Variants in IGF1R observed in about 807,000 individuals in gnomAD.
The protein encoded by IGF1R is insulin like growth factor 1 receptor, also known as insulin-like growth factor 1 receptor.
A neutral mutation model predicts 144.6 loss-of-function variants in IGF1R; 44 were observed. The observed-to-expected ratio is 0.30, with a 90% CI of 0.24 to 0.39. The LOEUF (loss-of-function observed/expected upper bound fraction) is 0.39, where lower values mean the gene tolerates loss of function less well. Ranked by LOEUF, IGF1R falls within the 10% of genes least tolerant of loss-of-function variation. IGF1R has a pLI of 1.00. For synonymous variants in IGF1R, 795 were observed against 722.8 expected, an observed-to-expected ratio of 1.10 and a Z score of -1.60; for missense variants, 1,355 against 1,833.7, an observed-to-expected ratio of 0.74 and a Z score of 4.77.
At chr15:98,676,537 C>T (rs1193436431) in intron 1 of IGF1R, among the ~76,000 whole-genome samples, 1 of 151,966 alleles carries the variant, frequency 6.6e-6, no homozygotes, top group East Asian at 1.9e-4. Flanking sequence ...ATGTTAACAT[C>T]TGCTAGGAAG....
intron 1 of IGF1R, among the ~76,000 whole-genome samples, chr15:98,659,984 A>T (rs1477054932): frequency 1.3e-5 from 2 of 152,114 alleles, no homozygotes; most frequent in African/African-American, 4.8e-5. Context: ...AGCTAATTTT[A>T]TGTATTTTGT....
chr15:98,750,117 C>A (rs139261515), intron 2 of IGF1R, among the ~76,000 whole-genome samples: 2 of 152,202 alleles, frequency 1.3e-5, no homozygotes, highest in East Asian at 3.8e-4. Flanking sequence ...TCATTCTCAA[C>A]CTCTTACCTG....
rs951359373 is a variant in IGF1R at position 98,946,001 on chromosome 15, G to A, written c.3588-2573G>A. Among the ~76,000 whole-genome samples the A allele has an allele frequency of 4.6e-5, 7 of 152,020 alleles. No homozygotes were observed. The East Asian group carries it at 1.4e-3, about 30-fold the overall frequency. Reference sequence around the variant, plus strand: ...CTCTTGGGGGTGTGGAAGATGCGGGGATGATGATGATGACGATGATGACGA... The same window carrying A: ...CTCTTGGGGGTGTGGAAGATGCGGGAATGATGATGATGACGATGATGACGA... On this transcript the variant is annotated intron_variant, in intron 19 of 20. Coordinates refer to ENST00000650285, the MANE Select transcript of IGF1R (RefSeq NM_000875.5).
rs1458934557 is a variant in IGF1R at position 98,648,787 on chromosome 15, C to T, written c.-795C>T. 6.9e-6 allele frequency among the ~76,000 whole-genome samples: 1 copy of T among 144,214 alleles called. No homozygotes were observed. Among genetic ancestry groups the T allele is most frequent in the Non-Finnish European group, 1.5e-5 (1 of 65,252 alleles). The allele number at this position is 144,214 out of a possible 152,430, so 94.6% of individuals were successfully genotyped here. On this transcript the variant is annotated 5_prime_UTR_variant, in exon 1 of 21. Transcript: ENST00000650285. ...ACGCCCCTCCCGCGCGGGGGCAGCTCCACGGCGCGCCTCGCCTCGGCTGTG... is the reference window on the plus strand; with the variant it reads ...ACGCCCCTCCCGCGCGGGGGCAGCTTCACGGCGCGCCTCGCCTCGGCTGTG...
chr15:98,728,871 A>T lies in IGF1R; in HGVS notation c.640+20764A>T, dbSNP rs550308590. Among the ~76,000 whole-genome samples, 616 of 152,362 alleles carry T rather than the reference A, an allele frequency of 4.0e-3. 3 individuals carry two copies. Among genetic ancestry groups the T allele is most frequent in the Non-Finnish European group, 6.8e-3 (463 of 68,030 alleles). ...TAGTAGAATCAGACAGATCTGGCTT[A>T]AAATCTTGGCTGTGCTACCTCTTGG... On this transcript the variant is annotated intron_variant, in intron 2 of 20. Coordinates refer to ENST00000650285, the MANE Select transcript of IGF1R (RefSeq NM_000875.5).
intron 12 of IGF1R, 95 bp downstream of exon 12, chr15:98,924,107 G>A (rs1287061440): frequency 2.4e-6 from 3 of 1,229,278 alleles, no homozygotes; most frequent in Non-Finnish European, 3.6e-6. Context: ...GTTAGCATAG[G>A]ACTTAAAACA....
rs1014064899 is a variant in IGF1R, at chr15:98,700,040, G to A, written c.95-7522G>A. On this transcript the variant is annotated intron_variant, in intron 1 of 20. Transcript: ENST00000650285. ...TAAAGGGCTTAACATGAATTGTGTC[G>A]GTTTACACTTACACAGAAAATTCTA... is the stretch of plus-strand genomic sequence containing the variant. Among the ~76,000 whole-genome samples, 6 of 152,178 alleles carry A rather than the reference G, an allele frequency of 3.9e-5. No homozygotes were observed. The East Asian group carries it at 5.8e-4, about 15-fold the overall frequency.
At chr15:98,833,461 A>G (rs561241295) in intron 2 of IGF1R, among the ~76,000 whole-genome samples, 41 of 152,134 alleles carry the variant, frequency 2.7e-4, no homozygotes, top group Non-Finnish European at 4.7e-4. Context: ...GAAGTGAGCG[A>G]TTCTCTTTTG....
chr15:98,714,742 A>G (rs1326458697), intron 2 of IGF1R, among the ~76,000 whole-genome samples: 1 of 152,122 alleles, frequency 6.6e-6, no homozygotes, highest in Non-Finnish European at 1.5e-5. Flanking sequence ...CACCTGCTGG[A>G]TGGGGGGAAG....
chr15:98,919,211 CT>C (rs2015382279), intron 10 of IGF1R, among the ~76,000 whole-genome samples: 1 of 152,216 alleles, frequency 6.6e-6, no homozygotes, highest in Non-Finnish European at 1.5e-5. Context: ...TCTTTTCCCC[CT>C]CTTCTCCTCC....
chr15:98,763,266 A>G (rs142200727), intron 2 of IGF1R, among the ~76,000 whole-genome samples: 3 of 152,092 alleles, frequency 2.0e-5, no homozygotes, highest in Non-Finnish European at 4.4e-5. Flanking sequence ...CTAGTTAGGG[A>G]AATGTTTTGT....
In IGF1R at chr15:98,960,639, G is replaced by A. The variant is rs563331348; in HGVS notation, c.*3197G>A. ...GGCTCGCGCTGAGGCAGGACCGTGC[G>A]GCCATGGCTGCTGCATTCATTGAGC... On this transcript the variant is annotated 3_prime_UTR_variant, in exon 21 of 21. Transcript: ENST00000650285. The A allele has an allele frequency of 3.5e-4, 81 of 233,374 alleles. 1 individual carries two copies. Among genetic ancestry groups the A allele is most frequent in the South Asian group, 9.0e-4 (5 of 5,534 alleles). 14.5% of individuals were successfully genotyped at this position (233,374 alleles called of 1,614,324 possible). A position where few individuals can be genotyped will look rare whatever the true frequency, so the allele number is the denominator to read the frequency against.
chr15:98,695,922 T>G (rs1031134611), intron 1 of IGF1R, among the ~76,000 whole-genome samples: 1 of 152,000 alleles, frequency 6.6e-6, no homozygotes, highest in African/African-American at 2.4e-5. Context: ...CACTGACTTA[T>G]CTCTCTTAAT....
intron 17 of IGF1R, among the ~76,000 whole-genome samples, chr15:98,937,183 G>T (rs1322367811): frequency 6.6e-6 from 1 of 152,190 alleles, no homozygotes; most frequent in Non-Finnish European, 1.5e-5. Context: ...GCTGCGCCTG[G>T]CCCTTGGTTC....
chr15:98,718,125 G>C (rs1342015331), intron 2 of IGF1R, among the ~76,000 whole-genome samples: 1 of 152,212 alleles, frequency 6.6e-6, no homozygotes, highest in East Asian at 1.9e-4. Flanking sequence ...AAGGGGATCA[G>C]GTGGGTGGGA....
intron 1 of IGF1R, among the ~76,000 whole-genome samples, chr15:98,703,654 C>T (rs2053790348): frequency 6.6e-6 from 1 of 152,170 alleles, no homozygotes. Context: ...ACTGCTCTTT[C>T]ATTTGAAGGA....
intron 2 of IGF1R, among the ~76,000 whole-genome samples, chr15:98,768,361 A>T (rs1441897473): frequency 6.6e-6 from 1 of 152,166 alleles, no homozygotes. Flanking sequence ...TTACGCCTAT[A>T]ATCCCAGTAC....
At chr15:98,815,211 G>T (rs191954242) in intron 2 of IGF1R, among the ~76,000 whole-genome samples, 1 of 152,332 alleles carries the variant, frequency 6.6e-6, no homozygotes, top group African/African-American at 2.4e-5. Context: ...TTTGGCTCTT[G>T]GGGCAAACCA....
chr15:98,815,052 T>G (rs1284940874), intron 2 of IGF1R, among the ~76,000 whole-genome samples: 4 of 152,232 alleles, frequency 2.6e-5, no homozygotes, highest in Admixed American at 2.6e-4. Context: ...GTACAAAAAT[T>G]TATGCGTTTG....
Sources: allele counts gnomAD v4.1 joint callset (sites outside exome capture counted in the v4.1 genomes callset), GRCh38; gene constraint gnomAD v4.1.1; transcripts MANE v1.5; gene names NCBI Gene and HGNC (gene_info 2026-07-23, HGNC 2026-07-21).